The following AMZ1 variants were observed in gnomAD, a reference collection of about 807,000 sequenced individuals.
The protein encoded by AMZ1 is archaemetzincin-1.
In AMZ1, 39 loss-of-function variants were observed where a neutral mutation model predicts 29.9. That is an observed-to-expected ratio of 1.30 (90% CI 1.01 to 1.70). AMZ1 has a LOEUF of 1.70. Among genes scored for constraint, AMZ1 ranks in the 40% most tolerant of loss-of-function variants. The probability of loss-of-function intolerance (pLI) is 0.00; values close to 1 mark genes in which losing one functional copy is unlikely to be tolerated. For missense variants in AMZ1, 1,041 were observed against 680.6 expected (o/e 1.53, Z -5.89); for synonymous variants, 458 against 304.0 (o/e 1.51, Z -5.27).
chr7:2,760,818 C>T (rs1288080512), upstream of AMZ1, among the ~76,000 whole-genome samples: 1 of 152,214 alleles, frequency 6.6e-6, no homozygotes, highest in Non-Finnish European at 1.5e-5. Flanking sequence ...TTTACCAAGT[C>T]ACCAGAGGTT....
chr7:2,725,639 G>C (rs571153399), intron 4 of AMZ1, among the ~76,000 whole-genome samples: 1 of 152,186 alleles, frequency 6.6e-6, no homozygotes, highest in Non-Finnish European at 1.5e-5. Context: ...GGAGCAGCAC[G>C]TCCACACCCT....
At chr7:2,723,423 T>TC (rs1789500573), downstream of AMZ1, among the ~76,000 whole-genome samples, 2 of 152,392 alleles carry the variant, frequency 1.3e-5, no homozygotes, top group African/African-American at 4.8e-5. Flanking sequence ...AGTTTCAAAG[T>TC]CTCCTACCTG....
intron 1 of AMZ1, among the ~76,000 whole-genome samples, chr7:2,696,310 G>A (rs57105983): frequency 6.8e-6 from 1 of 146,098 alleles, no homozygotes; most frequent in Non-Finnish European, 1.5e-5. Context: ...AGGCTGGAGT[G>A]CAGTGGTGCG....
At position 2,718,576 on chromosome 7, in the gene AMZ1, G is replaced by GC. The variant is rs1789266279; in HGVS notation, c.*5699dup. On this transcript the variant is annotated 3_prime_UTR_variant, in exon 7 of 7. Transcript: ENST00000683327. ...ACGAAGGTGATGAGCGCGGCTGACG[G>GC]CTCCCGGGGGCAGTGTGGGGTCCAG... Among the ~76,000 whole-genome samples the GC allele has an allele frequency of 6.6e-6, 1 of 152,222 alleles. No homozygotes were observed. The highest frequency in any genetic ancestry group is 1.5e-5 in the Non-Finnish European group (1 of 68,036).
chr7:2,763,985 G>C (rs1791695738), upstream of AMZ1, among the ~76,000 whole-genome samples: 2 of 152,162 alleles, frequency 1.3e-5, no homozygotes, highest in Admixed American at 1.3e-4. Flanking sequence ...TGAGAACAGG[G>C]TACGCACCTA....
intron 5 of AMZ1, among the ~76,000 whole-genome samples, 191 bp downstream of exon 5, chr7:2,709,435 G>A (rs1298967752): frequency 1.2e-5 from 1 of 84,416 alleles, no homozygotes; most frequent in East Asian, 8.0e-4. Flanking sequence ...CCCCTATCCT[G>A]TGTGGCCTCC....
chr7:2,742,042 G>A (rs1790532750), intron 4 of AMZ1, among the ~76,000 whole-genome samples: 1 of 150,986 alleles, frequency 6.6e-6, no homozygotes, highest in Non-Finnish European at 1.5e-5. Flanking sequence ...ATTTTTTTGA[G>A]ATGGAGTCTC....
intron 4 of AMZ1, among the ~76,000 whole-genome samples, chr7:2,754,879 A>C (rs1386712187): frequency 6.6e-6 from 1 of 152,342 alleles, no homozygotes; most frequent in East Asian, 1.9e-4. Context: ...CTAGGCCCCA[A>C]GGAGTTTCTA....
intron 6 of AMZ1, 108 bp downstream of exon 6, chr7:2,709,924 A>G: frequency 1.4e-6 from 2 of 1,468,466 alleles, no homozygotes; most frequent in Non-Finnish European, 1.8e-6. Context: ...AGGCTTTGTC[A>G]ACTGCCGGGT....
intron 3 of AMZ1, 127 bp from the exon 4 acceptor site, chr7:2,708,461 C>A (rs1788503096): frequency 1.6e-5 from 23 of 1,426,316 alleles, no homozygotes; most frequent in Non-Finnish European, 2.2e-5. Context: ...ACGCTGGTGG[C>A]CCACACCTGA....
At chr7:2,754,355 A>G (rs1211043704) in intron 4 of AMZ1, among the ~76,000 whole-genome samples, 1 of 152,006 alleles carries the variant, frequency 6.6e-6, no homozygotes, top group Non-Finnish European at 1.5e-5. Flanking sequence ...TATTGTTTTG[A>G]GAGTTCTGTT....
chr7:2,711,085 C>T (rs1259700145), intron 6 of AMZ1, among the ~76,000 whole-genome samples: 1 of 152,226 alleles, frequency 6.6e-6, no homozygotes, highest in Non-Finnish European at 1.5e-5. Context: ...CCACCTGGAT[C>T]TGAGCTGGAG....
chr7:2,714,135 G>A lies in AMZ1; in HGVS notation c.*1257G>A, dbSNP rs1310877744. 6.6e-6 allele frequency: 1 copy of A among 152,294 alleles called. No homozygotes were observed. Among genetic ancestry groups the A allele is most frequent in the Non-Finnish European group, 1.5e-5 (1 of 68,056 alleles). 9.4% of individuals were successfully genotyped at this position (152,294 alleles called of 1,614,324 possible). On this transcript the variant is annotated 3_prime_UTR_variant, in exon 7 of 7. Coordinates refer to ENST00000683327, the MANE Select transcript of AMZ1 (RefSeq NM_001384743.1). Reference sequence around the variant, plus strand: ...TGTGGTGGAGGGTCTCTGGGAGAGAGACTTCCGGTTCTGACAGCGGAATCC... The same window carrying A: ...TGTGGTGGAGGGTCTCTGGGAGAGAAACTTCCGGTTCTGACAGCGGAATCC...
At chr7:2,705,386 T>C (rs759661358) in intron 3 of AMZ1, among the ~76,000 whole-genome samples, 6 of 152,240 alleles carry the variant, frequency 3.9e-5, no homozygotes, top group Non-Finnish European at 7.3e-5. Context: ...GCCTTGGTTA[T>C]TGAGGTATAA....
intron 4 of AMZ1, among the ~76,000 whole-genome samples, chr7:2,727,375 C>G (rs1037286769): frequency 2.6e-5 from 4 of 152,064 alleles, no homozygotes; most frequent in African/African-American, 9.7e-5. Flanking sequence ...CCACTGCGCC[C>G]GGCCATCTTC....
intron 4 of AMZ1, among the ~76,000 whole-genome samples, chr7:2,742,893 C>T (rs1462263397): frequency 6.6e-6 from 1 of 152,218 alleles, no homozygotes; most frequent in Non-Finnish European, 1.5e-5. Context: ...CCTAGTCACC[C>T]TGCTAAGCTC....
chr7:2,746,216 C>T (rs1201765340), intron 4 of AMZ1, among the ~76,000 whole-genome samples: 1 of 152,200 alleles, frequency 6.6e-6, no homozygotes, highest in Non-Finnish European at 1.5e-5. Flanking sequence ...ACAGAATATA[C>T]ATTCTTTTCA....
At chr7:2,696,452 T>C (rs1422084045) in intron 1 of AMZ1, among the ~76,000 whole-genome samples, 3 of 145,020 alleles carry the variant, frequency 2.1e-5, no homozygotes, top group African/African-American at 2.5e-5. Flanking sequence ...AGAGACGGGG[T>C]TTCACCATGT....
chr7:2,722,087 C>G (rs1789448627), downstream of AMZ1, among the ~76,000 whole-genome samples: 1 of 152,110 alleles, frequency 6.6e-6, no homozygotes, highest in African/African-American at 2.4e-5. Context: ...AGCCAGAAGG[C>G]CGTCCAACTG....
Sources: gnomAD v4.1 joint callset for allele counts (sites outside exome capture counted in the v4.1 genomes callset) on GRCh38, gnomAD v4.1.1 for gene constraint, MANE v1.5 for transcripts, NCBI Gene and HGNC (gene_info 2026-07-23, HGNC 2026-07-21) for gene names.